The following IGSF11 variants were observed in gnomAD, a reference collection of about 807,000 sequenced individuals.
IGSF11 encodes CXADR like 1.
A neutral mutation model predicts 41.0 loss-of-function variants in IGSF11; 22 were observed. That is an observed-to-expected ratio of 0.54 (90% CI 0.38 to 0.77). The LOEUF (loss-of-function observed/expected upper bound fraction) is 0.77. Among genes scored for constraint, IGSF11 ranks in the 30% least tolerant of loss-of-function variants. The pLI is 0.00. For synonymous variants in IGSF11, 219 were observed against 201.3 expected (o/e 1.09, Z -0.74); for missense variants, 444 against 530.8 (o/e 0.84, Z 1.61).
chr3:118,920,149 T>C (rs1035591097), intron 4 of IGSF11, among the ~76,000 whole-genome samples: 5 of 143,660 alleles, frequency 3.5e-5, no homozygotes, highest in African/African-American at 1.0e-4. Flanking sequence ...TTGGGAGATA[T>C]ACCTAAGGCT....
intron 1 of IGSF11, among the ~76,000 whole-genome samples, chr3:119,139,506 A>T (rs753092735): frequency 7.9e-5 from 12 of 152,196 alleles, no homozygotes; most frequent in Admixed American, 2.0e-4. Flanking sequence ...ATGAGATCTG[A>T]TGGTTTTAAA....
intron 1 of IGSF11, among the ~76,000 whole-genome samples, chr3:119,017,541 T>C (rs1387424252): frequency 6.6e-6 from 1 of 152,204 alleles, no homozygotes; most frequent in Non-Finnish European, 1.5e-5. Context: ...CTTCTCTGTT[T>C]CTTAAACCAG....
chr3:118,922,615 ATTCT>A (rs1941917988), intron 4 of IGSF11, among the ~76,000 whole-genome samples: 1 of 151,992 alleles, frequency 6.6e-6, no homozygotes, highest in African/African-American at 2.4e-5. Flanking sequence ...CCACCATTTT[ATTCT>A]CTGTTTCTAC....
At chr3:118,965,810 T>C (rs1945633875) in intron 1 of IGSF11, among the ~76,000 whole-genome samples, 1 of 152,260 alleles carries the variant, frequency 6.6e-6, no homozygotes, top group Admixed American at 6.5e-5. Flanking sequence ...TGTTTGGAAT[T>C]AGGGAAGCAT....
chr3:119,058,809 T>C (rs1941950641), intron 1 of IGSF11, among the ~76,000 whole-genome samples: 1 of 151,982 alleles, frequency 6.6e-6, no homozygotes, highest in Admixed American at 6.6e-5. Context: ...AAATGATGAG[T>C]TCATGTCCTT....
At chr3:119,130,956 G>A (rs2077473387) in intron 1 of IGSF11, among the ~76,000 whole-genome samples, 1 of 152,326 alleles carries the variant, frequency 6.6e-6, no homozygotes, top group African/African-American at 2.4e-5. Flanking sequence ...ACCTGCAGCT[G>A]AGGGATCTGA....
At chr3:119,132,437 C>A (rs973595262) in intron 1 of IGSF11, among the ~76,000 whole-genome samples, 2 of 111,758 alleles carry the variant, frequency 1.8e-5, no homozygotes, top group Admixed American at 9.5e-5. Flanking sequence ...TCTCTGATAA[C>A]ACAGACTTTA....
chr3:119,088,212 A>G (rs1190512313), intron 1 of IGSF11, among the ~76,000 whole-genome samples: 1 of 150,262 alleles, frequency 6.7e-6, no homozygotes, highest in East Asian at 2.0e-4. Flanking sequence ...TTAAAATCAT[A>G]CCAGGAACAC....
intron 4 of IGSF11, among the ~76,000 whole-genome samples, chr3:118,920,225 C>G (rs1941628228): frequency 6.9e-6 from 1 of 145,870 alleles, no homozygotes; most frequent in African/African-American, 2.5e-5. Context: ...CTAACCTGCA[C>G]AATGTGCACA....
At chr3:118,941,110 A>G (rs1943660042) in intron 1 of IGSF11, among the ~76,000 whole-genome samples, 1 of 152,042 alleles carries the variant, frequency 6.6e-6, no homozygotes, top group South Asian at 2.1e-4. Flanking sequence ...AATGGGTAAG[A>G]CCTCATCAAA....
intron 1 of IGSF11, among the ~76,000 whole-genome samples, chr3:119,030,812 A>C (rs1459314138): frequency 6.6e-6 from 1 of 152,200 alleles, no homozygotes; most frequent in Non-Finnish European, 1.5e-5. Context: ...AAACAAAGAA[A>C]GTTGAGATGA....
chr3:119,053,704 G>A (rs1189331644), intron 1 of IGSF11, among the ~76,000 whole-genome samples: 1 of 152,088 alleles, frequency 6.6e-6, no homozygotes, highest in African/African-American at 2.4e-5. Flanking sequence ...GCCCTGCATA[G>A]CCAAAGCAAG....
At chr3:118,995,141 T>G (rs2107658297) in intron 1 of IGSF11, among the ~76,000 whole-genome samples, 1 of 152,324 alleles carries the variant, frequency 6.6e-6, no homozygotes, top group East Asian at 1.9e-4. Flanking sequence ...AGCAGGTGAA[T>G]GAAATTATCA....
At chr3:119,072,240 G>T (rs554523331) in intron 1 of IGSF11, among the ~76,000 whole-genome samples, 35 of 152,302 alleles carry the variant, frequency 2.3e-4, no homozygotes, top group African/African-American at 8.2e-4. Context: ...TATCTATCAA[G>T]ATTAACAAAT....
At chr3:118,971,906 A>G (rs978377245) in intron 1 of IGSF11, among the ~76,000 whole-genome samples, 7 of 152,206 alleles carry the variant, frequency 4.6e-5, no homozygotes, top group African/African-American at 1.7e-4. Context: ...TTAGTTTATA[A>G]TTAAGAATAA....
At chr3:118,966,726 G>T (rs181645853) in intron 1 of IGSF11, among the ~76,000 whole-genome samples, 18 of 152,258 alleles carry the variant, frequency 1.2e-4, no homozygotes, top group Admixed American at 7.8e-4. Context: ...TTTAATAAGG[G>T]TTAGGTTTGG....
At chr3:119,053,332 A>G (rs930866827) in intron 1 of IGSF11, among the ~76,000 whole-genome samples, 3 of 152,198 alleles carry the variant, frequency 2.0e-5, no homozygotes, top group Non-Finnish European at 2.9e-5. Flanking sequence ...TATAAAATCA[A>G]TGTACACAAA....
intron 1 of IGSF11, among the ~76,000 whole-genome samples, chr3:119,125,258 C>T (rs954514992): frequency 1.3e-5 from 2 of 152,118 alleles, no homozygotes; most frequent in East Asian, 1.9e-4. Flanking sequence ...GAAGCAGCTG[C>T]GTTTGGAGGC....
At position 119,064,712 on chromosome 3, in the gene IGSF11, T is replaced by C. The variant is rs532833469; in HGVS notation, c.49+40432A>G. Among the ~76,000 whole-genome samples, 216 of 152,238 alleles carry C rather than the reference T, an allele frequency of 1.4e-3. 2 individuals carry two copies. The highest frequency in any genetic ancestry group is 4.7e-3 in the African/African-American group (195 of 41,558). ...TTTAGGATTCTTTCATTTCTCGCAATAATATTCTGTAGTTTCTTGTTCCTT... is the reference window on the plus strand; with the variant it reads ...TTTAGGATTCTTTCATTTCTCGCAACAATATTCTGTAGTTTCTTGTTCCTT... On this transcript the variant is annotated intron_variant, in intron 1 of 6. Transcript: ENST00000354673.
Sources: gnomAD v4.1 joint callset for allele counts (sites outside exome capture counted in the v4.1 genomes callset) on GRCh38, gnomAD v4.1.1 for gene constraint, MANE v1.5 for transcripts, NCBI Gene and HGNC (gene_info 2026-07-23, HGNC 2026-07-21) for gene names.